Variants in KSR2 observed in about 807,000 individuals in gnomAD.
KSR2 encodes the protein kinase suppressor of ras 2.
A neutral mutation model predicts 107.8 loss-of-function variants in KSR2; 25 were observed. The ratio of observed to expected loss-of-function variants is 0.23; its 90% CI spans 0.17 to 0.32. KSR2 has a LOEUF of 0.32. KSR2 is among the 10% of genes least tolerant of loss of function. The probability of loss-of-function intolerance (pLI) is 1.00; values close to 1 mark genes in which losing one functional copy is unlikely to be tolerated. For missense variants in KSR2, 887 were observed against 1,268.9 expected, an observed-to-expected ratio of 0.70 and a Z score of 4.57; for synonymous variants, 480 against 507.0, an observed-to-expected ratio of 0.95 and a Z score of 0.71.
At chr12:117,777,050 T>G (rs1172417694) in intron 3 of KSR2, among the ~76,000 whole-genome samples, 2 of 148,568 alleles carry the variant, frequency 1.3e-5, no homozygotes, top group Non-Finnish European at 3.0e-5. Flanking sequence ...GTTTTAGGTG[T>G]GTTCCTGTTT....
At chr12:117,879,688 G>T (rs762426009) in intron 1 of KSR2, among the ~76,000 whole-genome samples, 30 of 152,252 alleles carry the variant, frequency 2.0e-4, no homozygotes, top group Admixed American at 1.8e-3. Context: ...CTGCACTCCA[G>T]CCTGGGCGCC....
intron 5 of KSR2, among the ~76,000 whole-genome samples, chr12:117,665,437 G>C (rs1473753633): frequency 6.6e-6 from 1 of 151,844 alleles, no homozygotes; most frequent in Non-Finnish European, 1.5e-5. Context: ...AACCCCTGGA[G>C]GGGGCCCGGC....
chr12:117,523,220 T>C (rs1354337013), intron 14 of KSR2, among the ~76,000 whole-genome samples: 1 of 152,216 alleles, frequency 6.6e-6, no homozygotes, highest in Non-Finnish European at 1.5e-5. Context: ...GAAGGTTTTG[T>C]CTCACAAGGG....
In KSR2 at chr12:117,842,443, C is replaced by T. The variant is rs1892528526; in HGVS notation, c.472+12985G>A. ...GCTGGGTGCAATGAGCCAGTGAAAA[C>T]ATCAGCAGATAGGGACCAGATCGGG... On this transcript the variant is annotated intron_variant, in intron 3 of 19. Transcript: ENST00000339824. This position sits in a 1 kb window ranked among gnomAD's most constrained non-coding sequence, Gnocchi z 4.2. 6.6e-6 allele frequency among the ~76,000 whole-genome samples: 1 copy of T among 152,160 alleles called. No homozygotes were observed. The highest frequency in any genetic ancestry group is 2.1e-4 in the South Asian group (1 of 4,824).
chr12:117,808,985 C>A (rs1336365834), intron 3 of KSR2, among the ~76,000 whole-genome samples: 9 of 152,142 alleles, frequency 5.9e-5, no homozygotes, highest in Non-Finnish European at 4.4e-5. Flanking sequence ...ATATCCAGGG[C>A]AACCCTGGTA....
At chr12:117,622,293 T>C (rs1421651181) in intron 5 of KSR2, among the ~76,000 whole-genome samples, 2 of 152,160 alleles carry the variant, frequency 1.3e-5, no homozygotes, top group Non-Finnish European at 2.9e-5. Context: ...TCCTGCATCT[T>C]ATTTTACATA....
intron 14 of KSR2, among the ~76,000 whole-genome samples, chr12:117,500,235 G>A (rs184163843): frequency 7.9e-5 from 12 of 152,302 alleles, no homozygotes; most frequent in African/African-American, 2.9e-4. Flanking sequence ...TGGAGAAACC[G>A]GAATGCAGAA....
chr12:117,548,833 G>A (rs1877075414), intron 9 of KSR2, among the ~76,000 whole-genome samples: 1 of 152,176 alleles, frequency 6.6e-6, no homozygotes, highest in Middle Eastern at 3.2e-3. Context: ...CTGAGAAAGG[G>A]AAACTCAACT....
chr12:117,740,478 A>AC, intron 4 of KSR2, among the ~76,000 whole-genome samples: 1 of 88,862 alleles, frequency 1.1e-5, no homozygotes, highest in Non-Finnish European at 2.8e-5. Context: ...TGTAATATAT[A>AC]ACATATAATA....
At chr12:117,795,200 C>T (rs1487950262) in intron 3 of KSR2, among the ~76,000 whole-genome samples, 1 of 152,200 alleles carries the variant, frequency 6.6e-6, no homozygotes, top group Non-Finnish European at 1.5e-5. Flanking sequence ...GGAAGAAATT[C>T]ATTCTTTATT....
chr12:117,619,467 T>G (rs1882057996), intron 5 of KSR2, among the ~76,000 whole-genome samples: 1 of 151,836 alleles, frequency 6.6e-6, no homozygotes, highest in Admixed American at 6.6e-5. Flanking sequence ...TGGTGTTTGG[T>G]TATTTGTCCT....
chr12:117,746,861 G>A (rs1018921986), intron 4 of KSR2, among the ~76,000 whole-genome samples: 1 of 151,936 alleles, frequency 6.6e-6, no homozygotes, highest in Non-Finnish European at 1.5e-5. Context: ...TCAGAGAAAT[G>A]CAAATGAAAA....
chr12:117,602,865 A>G (rs1055049818), intron 5 of KSR2, among the ~76,000 whole-genome samples: 5 of 152,166 alleles, frequency 3.3e-5, no homozygotes, highest in Admixed American at 3.3e-4. Context: ...TGCTAAAACT[A>G]TATAGAAGCA....
At position 117,682,906 on chromosome 12, in the gene KSR2, A is replaced by C. The variant is rs1885428897; in HGVS notation, c.987-15248T>G. 3.3e-5 allele frequency among the ~76,000 whole-genome samples: 5 copies of C among 152,134 alleles called. No homozygotes were observed. In the South Asian group the frequency reaches 1.0e-3, roughly 32 times the overall value. The stretch of plus-strand genomic sequence containing the variant: ...GGGTGGAGGTCATGAGGTTGGAGGG[A>C]GGGGACTCAGCTCTCCCAGGACTTG... On this transcript the variant is annotated intron_variant, in intron 4 of 19. Transcript: ENST00000339824.
At chr12:117,782,799 G>C (rs1889932177) in intron 3 of KSR2, among the ~76,000 whole-genome samples, 1 of 152,154 alleles carries the variant, frequency 6.6e-6, no homozygotes, top group African/African-American at 2.4e-5. Flanking sequence ...AGGGAGAAGT[G>C]AGAAAAGTTC....
chr12:117,708,529 T>C (rs1026636688), intron 4 of KSR2, among the ~76,000 whole-genome samples: 3 of 152,210 alleles, frequency 2.0e-5, no homozygotes, highest in African/African-American at 7.2e-5. Flanking sequence ...TAGTGGATAC[T>C]GTAATGTGCC....
In KSR2 at chr12:117,910,899, C is replaced by T. The variant is rs142047780; in HGVS notation, c.181-50468G>A. On this transcript the variant is annotated intron_variant, in intron 1 of 19. Transcript: ENST00000339824. Reference sequence around the variant, plus strand: ...GCTATCACTCACAAAGACCACAGTTCGGTGCCTCCCAACTTGATCCTGTGT... The same window carrying T: ...GCTATCACTCACAAAGACCACAGTTTGGTGCCTCCCAACTTGATCCTGTGT... Among the ~76,000 whole-genome samples, 540 of 152,272 alleles carry T rather than the reference C, an allele frequency of 3.5e-3. 3 individuals are homozygous for T. Among genetic ancestry groups the T allele is most frequent in the African/African-American group, 0.012 (508 of 41,556 alleles).
chr12:117,525,305 C>A, intron 13 of KSR2, 86 bp from the exon 14 acceptor site: 1 of 1,427,266 alleles, frequency 7.0e-7, no homozygotes, highest in Non-Finnish European at 9.3e-7. Flanking sequence ...CGTGCACATG[C>A]GTAGGTCTGG....
At chr12:117,831,910 C>T (rs1891984962) in intron 3 of KSR2, among the ~76,000 whole-genome samples, 1 of 152,204 alleles carries the variant, frequency 6.6e-6, no homozygotes, top group Admixed American at 6.5e-5. Context: ...CTGCCATAAC[C>T]TTTAGGAACA....
Sources: allele counts gnomAD v4.1 joint callset (sites outside exome capture counted in the v4.1 genomes callset), GRCh38; gene constraint gnomAD v4.1.1; non-coding constraint Gnocchi (gnomAD v3.1); transcripts MANE v1.5; gene names NCBI Gene and HGNC (gene_info 2026-07-23, HGNC 2026-07-21).